Variants in NEBL observed in about 807,000 individuals in gnomAD.
The protein encoded by NEBL is nebulette, also known as LIM and SH3 protein 2.
In NEBL, 122 loss-of-function variants were observed where a neutral mutation model predicts 140.2. The ratio of observed to expected loss-of-function variants is 0.87; its 90% CI spans 0.75 to 1.01. The LOEUF (loss-of-function observed/expected upper bound fraction) is 1.01. Ranked by LOEUF, NEBL falls within the 50% of genes least tolerant of loss-of-function variation. The pLI, the probability that NEBL is intolerant of heterozygous loss-of-function variation, is 0.00. For missense variants in NEBL, 1,365 were observed against 1,231.3 expected, an observed-to-expected ratio of 1.11 and a Z score of -1.62; for synonymous variants, 436 against 398.9, an observed-to-expected ratio of 1.09 and a Z score of -1.11.
intron 4 of NEBL, among the ~76,000 whole-genome samples, chr10:20,909,029 A>C (rs1848217632): frequency 6.6e-6 from 1 of 151,902 alleles, no homozygotes; most frequent in African/African-American, 2.4e-5. Flanking sequence ...TTGGGTACAC[A>C]GTAGGTATAT....
chr10:21,178,683 A>C (rs953355644), upstream of NEBL, among the ~76,000 whole-genome samples: 1 of 152,274 alleles, frequency 6.6e-6, no homozygotes, highest in Admixed American at 6.5e-5. Context: ...AGCACAGCAC[A>C]GTGACAAACT....
chr10:21,182,868 A>G (rs1023747346), intron 3 of NEBL, among the ~76,000 whole-genome samples: 1 of 152,360 alleles, frequency 6.6e-6, no homozygotes, highest in African/African-American at 2.4e-5. Flanking sequence ...GATCATTTAC[A>G]TTGGCTTTCT....
At chr10:21,251,074 AT>A (rs1331856096) in intron 2 of NEBL, among the ~76,000 whole-genome samples, 1 of 151,902 alleles carries the variant, frequency 6.6e-6, no homozygotes, top group African/African-American at 2.4e-5. Context: ...TAGTATAATC[AT>A]TTTCTCATCT....
chr10:21,004,589 A>G (rs1085866), intron 3 of NEBL, among the ~76,000 whole-genome samples: 1 of 152,054 alleles, frequency 6.6e-6, no homozygotes, highest in African/African-American at 2.4e-5. Context: ...GCATGGTGGC[A>G]GGTGCCTGTA....
chr10:20,812,656 ACCAC>A, intron 24 of NEBL, 109 bp downstream of exon 24: 1 of 1,323,332 alleles, frequency 7.6e-7, no homozygotes, highest in Non-Finnish European at 1.1e-6. Flanking sequence ...TAAATTGGGT[ACCAC>A]AACCAACATG....
In NEBL at chr10:21,232,608, A is replaced by C. The variant is rs574244227; in HGVS notation, n.348+15313T>G. Among the ~76,000 whole-genome samples, 192 of 152,302 alleles carry C rather than the reference A, an allele frequency of 1.3e-3. 1 individual carries two copies. Among genetic ancestry groups the C allele is most frequent in the Non-Finnish European group, 2.3e-3 (158 of 68,030 alleles). On this transcript the variant is annotated intron_variant and non_coding_transcript_variant, in intron 3 of 8. Transcript: ENST00000675702. The stretch of plus-strand genomic sequence containing the variant: ...GGAGCATGCAACCTAGATCCTTCAC[A>C]TGAGCAGTTCACAATAGGGTTTGCG...
At chr10:21,219,604 T>C (rs1418911471) in intron 3 of NEBL, among the ~76,000 whole-genome samples, 2 of 152,220 alleles carry the variant, frequency 1.3e-5, no homozygotes, top group Non-Finnish European at 2.9e-5. Context: ...TCATATGAAT[T>C]CTAGGACTGT....
At chr10:20,892,854 A>G (rs964412536) in intron 2 of NEBL, among the ~76,000 whole-genome samples, 7 of 152,212 alleles carry the variant, frequency 4.6e-5, no homozygotes, top group Admixed American at 4.6e-4. Flanking sequence ...GGCTCTTCAC[A>G]AGTGAAATCA....
chr10:20,926,707 G>A (rs1364285255), intron 4 of NEBL, among the ~76,000 whole-genome samples: 5 of 152,138 alleles, frequency 3.3e-5, no homozygotes, highest in Non-Finnish European at 7.3e-5. Flanking sequence ...GTGTCGTCTC[G>A]CATTCAGCAA....
chr10:21,224,988 CT>C (rs981613219), intron 3 of NEBL, among the ~76,000 whole-genome samples: 4 of 151,372 alleles, frequency 2.6e-5, no homozygotes, highest in South Asian at 2.1e-4. Flanking sequence ...TTTGCTGCCC[CT>C]TTTTTTTTCT....
upstream of NEBL, among the ~76,000 whole-genome samples, chr10:21,175,744 T>C (rs929416982): frequency 6.6e-6 from 1 of 152,260 alleles, no homozygotes; most frequent in African/African-American, 2.4e-5. Flanking sequence ...GAGGATCAGC[T>C]GTCTTTTAAA....
chr10:21,119,450 TTAATATAC>T (rs1227090541), intron 2 of NEBL, among the ~76,000 whole-genome samples: 7 of 117,256 alleles, frequency 6.0e-5, no homozygotes, highest in African/African-American at 3.6e-4. Context: ...TATAGTTATA[TTAATATAC>T]TGAATATAAC....
intron 4 of NEBL, among the ~76,000 whole-genome samples, chr10:20,915,048 C>T (rs897414748): frequency 6.8e-6 from 1 of 147,120 alleles, no homozygotes; most frequent in African/African-American, 2.5e-5. Context: ...GGTGATCCAC[C>T]CACCTCAGCC....
At chr10:20,798,365 T>C (rs1332250940) in intron 26 of NEBL, among the ~76,000 whole-genome samples, 10 of 152,132 alleles carry the variant, frequency 6.6e-5, no homozygotes. Context: ...GGGCTTAATG[T>C]GGGGCACCTG....
At chr10:21,027,905 T>A (rs1455619398) in intron 2 of NEBL, among the ~76,000 whole-genome samples, 2 of 152,128 alleles carry the variant, frequency 1.3e-5, no homozygotes, top group Admixed American at 6.5e-5. Flanking sequence ...GGTTGTTTTA[T>A]GTCATTCAAA....
intron 3 of NEBL, among the ~76,000 whole-genome samples, chr10:21,226,203 C>T (rs1842145711): frequency 6.6e-6 from 1 of 151,958 alleles, no homozygotes; most frequent in South Asian, 2.1e-4. Context: ...GAAATTGGGG[C>T]CTCAGGACTC....
chr10:20,788,181 TTTAAG>T (rs1438931043), intron 26 of NEBL, among the ~76,000 whole-genome samples: 1 of 152,198 alleles, frequency 6.6e-6, no homozygotes, highest in African/African-American at 2.4e-5. Flanking sequence ...TGTGAATGTG[TTTAAG>T]TTATCTGTGA....
In NEBL at chr10:20,782,214, T is replaced by A. The variant is rs573208723; in HGVS notation, c.*3533A>T. 2 of 152,638 alleles carry A rather than the reference T, an allele frequency of 1.3e-5. No homozygotes were observed. Among genetic ancestry groups the A allele is most frequent in the East Asian group, 3.9e-4 (2 of 5,176 alleles). The allele number at this position is 152,638 out of a possible 1,614,324, so 9.5% of individuals were successfully genotyped here. ...AATATCAATCATGTGTAATAAAATA[T>A]TACTATAGAATAGGCAGCAACTTGC... is the stretch of plus-strand genomic sequence containing the variant. On this transcript the variant is annotated 3_prime_UTR_variant, in exon 28 of 28. Transcript: ENST00000377122.
At chr10:21,216,771 GAA>G (rs112977564) in intron 3 of NEBL, among the ~76,000 whole-genome samples, 1 of 129,286 alleles carries the variant, frequency 7.7e-6, no homozygotes. Context: ...ACTCCATCTC[GAA>G]AAAAAAAAAA....
Sources: gnomAD v4.1 joint callset for allele counts (sites outside exome capture counted in the v4.1 genomes callset) on GRCh38, gnomAD v4.1.1 for gene constraint, MANE v1.5 for transcripts, NCBI Gene and HGNC (gene_info 2026-07-23, HGNC 2026-07-21) for gene names.